PPP2R5A: variants seen among roughly 807,000 people sequenced by gnomAD.
The protein encoded by PPP2R5A is protein phosphatase 2 regulatory subunit B'alpha, also known as serine/threonine-protein phosphatase 2A 56 kDa regulatory subunit alpha isoform.
A neutral mutation model predicts 64.2 loss-of-function variants in PPP2R5A; 25 were observed. The ratio of observed to expected loss-of-function variants is 0.39; its 90% CI spans 0.28 to 0.54. PPP2R5A has a LOEUF of 0.54. Among genes scored for constraint, PPP2R5A ranks in the 20% least tolerant of loss-of-function variants. The pLI is 0.67. For synonymous variants in PPP2R5A, 198 were observed against 201.2 expected, an observed-to-expected ratio of 0.98 and a Z score of 0.13; for missense variants, 425 against 576.3, an observed-to-expected ratio of 0.74 and a Z score of 2.69.
chr1:212,303,617 T>C (rs1377460067), intron 1 of PPP2R5A, among the ~76,000 whole-genome samples: 5 of 152,210 alleles, frequency 3.3e-5, no homozygotes, highest in African/African-American at 1.2e-4. Context: ...CTTTCCCAGA[T>C]ATGAGGCTAT....
intron 8 of PPP2R5A, among the ~76,000 whole-genome samples, chr1:212,355,653 T>C (rs1659965095): frequency 6.6e-6 from 1 of 152,052 alleles, no homozygotes; most frequent in Admixed American, 6.6e-5. Context: ...GACTTGAAAA[T>C]CTTTTAAAAT....
chr1:212,286,042 C>T lies in PPP2R5A; in HGVS notation c.-69C>T. The T allele has an allele frequency of 7.0e-7, 1 of 1,430,652 alleles. No individual in the cohort carries two copies. Among genetic ancestry groups the T allele is most frequent in the Non-Finnish European group, 9.1e-7 (1 of 1,094,728 alleles). 88.6% of individuals were successfully genotyped at this position (1,430,652 alleles called of 1,614,324 possible). A position where few individuals can be genotyped will look rare whatever the true frequency, so the allele number is the denominator to read the frequency against. ...CCCCGCGCCTCTCCCCCGCCTCCTC[C>T]TGCCGTCTCCGCCGCTGCCCGTGCC... On this transcript the variant is annotated 5_prime_UTR_variant, in exon 1 of 13. Transcript: ENST00000261461.
At chr1:212,324,283 G>A (rs1659368672) in intron 1 of PPP2R5A, among the ~76,000 whole-genome samples, 1 of 152,172 alleles carries the variant, frequency 6.6e-6, no homozygotes, top group Non-Finnish European at 1.5e-5. Flanking sequence ...ACTGTAGGCA[G>A]TTTGCAAAAG....
Position 212,360,832 on chromosome 1 carries a change from A to C in PPP2R5A, c.*62A>C, listed in dbSNP as rs1464220529. 2.1e-6 allele frequency: 3 copies of C among 1,440,672 alleles called. No homozygotes were observed. The highest frequency in any genetic ancestry group is 2.8e-6 in the Non-Finnish European group (3 of 1,085,688). 89.2% of individuals were successfully genotyped at this position (1,440,672 alleles called of 1,614,324 possible). ...TTTGTATGCTTTTTTGAAATATGTA[A>C]AAATTACAAAACAAACCTCATCAGT... On this transcript the variant is annotated 3_prime_UTR_variant, in exon 13 of 13. Coordinates refer to ENST00000261461, the MANE Select transcript of PPP2R5A (RefSeq NM_006243.4).
At chr1:212,351,512 A>G (rs966834279) in intron 8 of PPP2R5A, among the ~76,000 whole-genome samples, 1 of 152,100 alleles carries the variant, frequency 6.6e-6, no homozygotes, top group Non-Finnish European at 1.5e-5. Context: ...TCAGGAGTTC[A>G]AGACCAGCCT....
chr1:212,288,583 T>A (rs936724477), intron 1 of PPP2R5A, among the ~76,000 whole-genome samples: 1 of 152,144 alleles, frequency 6.6e-6, no homozygotes, highest in Non-Finnish European at 1.5e-5. Flanking sequence ...TAGGAACAAC[T>A]TCTTTTACTC....
intron 1 of PPP2R5A, among the ~76,000 whole-genome samples, chr1:212,313,528 G>A (rs1201021173): frequency 6.6e-6 from 1 of 150,536 alleles, no homozygotes; most frequent in Non-Finnish European, 1.5e-5. Context: ...GTGTTCTTTT[G>A]TACATTCTGT....
chr1:212,311,257 G>C (rs1275341678), intron 1 of PPP2R5A, among the ~76,000 whole-genome samples: 1 of 152,016 alleles, frequency 6.6e-6, no homozygotes, highest in Admixed American at 6.6e-5. Flanking sequence ...TCACGAGGTC[G>C]GGAGATCGAG....
In PPP2R5A at chr1:212,356,781, G is replaced by A. The variant is rs547527437; in HGVS notation, c.978+105G>A. ...GGCTGTATTGCTGTTGCTAAAGAGC[G>A]GGAGATGTACACAGACTTGGTAGAA... is the stretch of plus-strand genomic sequence containing the variant. On this transcript the variant is annotated intron_variant, in intron 9 of 12. Transcript: ENST00000261461. 6.6e-5 allele frequency: 90 copies of A among 1,361,248 alleles called. No homozygotes were observed. In the African/African-American group the frequency reaches 1.1e-3, roughly 17 times the overall value. The allele number at this position is 1,361,248 out of a possible 1,614,324, so 84.3% of individuals were successfully genotyped here.
intron 3 of PPP2R5A, among the ~76,000 whole-genome samples, chr1:212,341,746 TA>T (rs34515396): frequency 6.6e-6 from 1 of 152,128 alleles, no homozygotes; most frequent in African/African-American, 2.4e-5. Flanking sequence ...TTTATTTATT[TA>T]TTTTTCAGAC....
chr1:212,300,772 G>A (rs1399031911), intron 1 of PPP2R5A, among the ~76,000 whole-genome samples: 2 of 151,972 alleles, frequency 1.3e-5, no homozygotes, highest in Non-Finnish European at 2.9e-5. Flanking sequence ...AGTTTCTTAC[G>A]TTTAATGGAA....
At chr1:212,351,829 A>T (rs1211204019) in intron 8 of PPP2R5A, among the ~76,000 whole-genome samples, 1 of 152,158 alleles carries the variant, frequency 6.6e-6, no homozygotes, top group Non-Finnish European at 1.5e-5. Flanking sequence ...TGACTTTCAA[A>T]ACTTTTATTT....
At chr1:212,322,418 A>G (rs1186076264) in intron 1 of PPP2R5A, among the ~76,000 whole-genome samples, 3 of 152,218 alleles carry the variant, frequency 2.0e-5, no homozygotes, top group African/African-American at 4.8e-5. Flanking sequence ...CTCTTTCACA[A>G]ATGTACCAGA....
intron 1 of PPP2R5A, among the ~76,000 whole-genome samples, chr1:212,327,484 G>A (rs1398228240): frequency 1.3e-5 from 2 of 151,982 alleles, no homozygotes; most frequent in Non-Finnish European, 1.5e-5. Context: ...GCGCTATCTC[G>A]GCTCATTGCA....
At chr1:212,359,461 T>TTACC (rs1392637603) in intron 12 of PPP2R5A, among the ~76,000 whole-genome samples, 2 of 152,208 alleles carry the variant, frequency 1.3e-5, no homozygotes, top group Non-Finnish European at 2.9e-5. Context: ...GGCCTAGTGA[T>TTACC]TACCTCTTTT....
intron 1 of PPP2R5A, chr1:212,302,062 G>C (rs1207109717): frequency 1.3e-6 from 2 of 1,528,644 alleles, no homozygotes; most frequent in African/African-American, 2.7e-5. Flanking sequence ...TAATGAAGAA[G>C]GGCAAGAAGA....
intron 4 of PPP2R5A, among the ~76,000 whole-genome samples, chr1:212,345,228 C>T (rs1026082032): frequency 2.0e-5 from 3 of 150,950 alleles, no homozygotes; most frequent in African/African-American, 4.9e-5. Flanking sequence ...ATGATTTCTA[C>T]TCTATTAGTA....
chr1:212,347,224 C>G (rs1659798252), intron 5 of PPP2R5A, 123 bp from the exon 6 acceptor site: 1 of 696,552 alleles, frequency 1.4e-6, no homozygotes, highest in Non-Finnish European at 2.4e-6. Flanking sequence ...CTTATAAGAC[C>G]CAAAACATGC....
At chr1:212,356,123 T>C (rs1241040420) in intron 8 of PPP2R5A, among the ~76,000 whole-genome samples, 2 of 152,120 alleles carry the variant, frequency 1.3e-5, no homozygotes, top group Non-Finnish European at 2.9e-5. Flanking sequence ...GTTATAAAGA[T>C]TGTGCTAGCC....
Sources: allele counts gnomAD v4.1 joint callset (sites outside exome capture counted in the v4.1 genomes callset), GRCh38; gene constraint gnomAD v4.1.1; transcripts MANE v1.5; gene names NCBI Gene and HGNC (gene_info 2026-07-23, HGNC 2026-07-21).